Variants in TJP1 observed in about 807,000 individuals in gnomAD.
The protein encoded by TJP1 is tight junction protein ZO-1.
TJP1 carries 43 observed loss-of-function variants against 194.2 expected under a neutral mutation model. That is an observed-to-expected ratio of 0.22 (90% confidence interval 0.17 to 0.29). The LOEUF is 0.29. Ranked by LOEUF, TJP1 falls within the 10% of genes least tolerant of loss-of-function variation. The probability of loss-of-function intolerance (pLI) is 1.00; values close to 1 mark genes in which losing one functional copy is unlikely to be tolerated. For synonymous variants in TJP1, 801 were observed against 779.0 expected (o/e 1.03, Z -0.47); for missense variants, 1,971 against 2,185.7 (o/e 0.90, Z 1.96).
intron 2 of TJP1, among the ~76,000 whole-genome samples, chr15:29,927,405 T>C (rs188662181): frequency 1.3e-5 from 2 of 152,200 alleles, no homozygotes; most frequent in Admixed American, 6.5e-5. Context: ...ATGTGTCCAC[T>C]TAACTGGATG....
At chr15:29,753,585 G>A (rs1327668207) in intron 8 of TJP1, among the ~76,000 whole-genome samples, 1 of 150,786 alleles carries the variant, frequency 6.6e-6, no homozygotes, top group East Asian at 2.0e-4. Flanking sequence ...AAGGACGAAT[G>A]AGCAGGATAA....
intron 8 of TJP1, among the ~76,000 whole-genome samples, chr15:29,755,607 G>T (rs1382871878): frequency 6.6e-6 from 1 of 152,164 alleles, no homozygotes; most frequent in Non-Finnish European, 1.5e-5. Flanking sequence ...TTAAATAACT[G>T]TTACAAAGTT....
intron 2 of TJP1, among the ~76,000 whole-genome samples, chr15:29,789,204 T>C (rs775077066): frequency 6.6e-6 from 1 of 152,238 alleles, no homozygotes; most frequent in African/African-American, 2.4e-5. Flanking sequence ...TGGGCGGTGC[T>C]GTTGTAGACC....
intron 2 of TJP1, among the ~76,000 whole-genome samples, chr15:29,907,886 A>G (rs2053869902): frequency 6.6e-6 from 1 of 151,864 alleles, no homozygotes; most frequent in Non-Finnish European, 1.5e-5. Context: ...AAAGTTCCTC[A>G]GAATTTTCAA....
At chr15:29,754,903 A>G (rs2045547598) in intron 8 of TJP1, among the ~76,000 whole-genome samples, 1 of 152,216 alleles carries the variant, frequency 6.6e-6, no homozygotes, top group African/African-American at 2.4e-5. Context: ...CAGAAACTAT[A>G]TACAGTAAGA....
intron 23 of TJP1, among the ~76,000 whole-genome samples, chr15:29,712,970 T>C (rs895864367): frequency 1.3e-5 from 2 of 152,152 alleles, no homozygotes; most frequent in Non-Finnish European, 2.9e-5. Flanking sequence ...CACATGTTCC[T>C]TTCTAGCAAG....
In TJP1 at chr15:29,953,140, A is replaced by T. The variant is rs1040352468; in HGVS notation, c.306+3092T>A. ...TTCCTTCTTTCATAAAAGAAGACAGATTTTTTTTTTTTTTTTTTTGCAACG... is the reference window on the plus strand; with the variant it reads ...TTCCTTCTTTCATAAAAGAAGACAGTTTTTTTTTTTTTTTTTTTTGCAACG... On this transcript the variant is annotated intron_variant, in intron 2 of 28. Coordinates refer to the TJP1 transcript ENST00000356107. 3.0e-3 allele frequency among the ~76,000 whole-genome samples: 331 copies of T among 110,962 alleles called. 8 individuals are homozygous for T. Among genetic ancestry groups the T allele is most frequent in the Admixed American group, 0.025 (229 of 9,172 alleles). The allele number at this position is 110,962 out of a possible 152,430, so 72.8% of individuals were successfully genotyped here.
Position 29,718,799 on chromosome 15 carries a change from C to T in TJP1, c.3343G>A (p.Asp1115Asn), listed in dbSNP as rs1404030192. ...GACTCTTCGGGATGCTGTCTGGAGT[C>T]AAGGTCTTGAGAGTGCTGATTATCA... The part of the protein sequence containing the change: ...PFDNQHSQDL[D>N]SRQHPEESSE... The change falls in exon 21 of 28, where the codon GAC becomes AAC. Residue 1115 changes from aspartate (D) to asparagine (N), a missense_variant. Coordinates refer to ENST00000614355, the MANE Select transcript of TJP1 (RefSeq NM_001330239.4). 1 of 1,614,160 alleles carries T rather than the reference C, an allele frequency of 6.2e-7. No homozygotes were observed. The highest frequency in any genetic ancestry group is 2.2e-5 in the East Asian group (1 of 44,870).
At chr15:29,717,666 G>T (rs2042649015) in intron 22 of TJP1, among the ~76,000 whole-genome samples, 1 of 152,228 alleles carries the variant, frequency 6.6e-6, no homozygotes, top group Non-Finnish European at 1.5e-5. Context: ...TAACCAATCT[G>T]AGTCTGTTTC....
In TJP1 at chr15:29,964,145, A is replaced by G. The variant is rs149299831; in HGVS notation, c.173+4522T>C. 4.8e-3 allele frequency among the ~76,000 whole-genome samples: 736 copies of G among 152,316 alleles called. 4 individuals carry two copies. The highest frequency in any genetic ancestry group is 8.4e-3 in the Non-Finnish European group (570 of 68,038). The stretch of plus-strand genomic sequence containing the variant: ...TAGAAACAAAGTCTTTGCTGATGTA[A>G]TTAAAGATCTCCAGATGAGATCATC... On this transcript the variant is annotated intron_variant, in intron 1 of 28. Coordinates refer to the TJP1 transcript ENST00000356107.
At chr15:29,968,584 C>A in intron 1 of TJP1, 1 of 890,432 alleles carries the variant, frequency 1.1e-6, no homozygotes, top group Non-Finnish European at 1.3e-6. Context: ...ACCGCCCCGG[C>A]CGCCGCTCGC....
At chr15:29,806,991 G>C (rs370409571) in intron 1 of TJP1, among the ~76,000 whole-genome samples, 1 of 152,000 alleles carries the variant, frequency 6.6e-6, no homozygotes, top group Non-Finnish European at 1.5e-5. Flanking sequence ...GGAAACATAA[G>C]AATTAAAATA....
At chr15:29,877,319 A>C (rs1182443294) in intron 2 of TJP1, among the ~76,000 whole-genome samples, 5 of 151,532 alleles carry the variant, frequency 3.3e-5, no homozygotes, top group African/African-American at 1.2e-4. Context: ...CGAGCTTGAG[A>C]GATCCTCCTG....
At chr15:29,814,096 C>T (rs1196398183) in intron 1 of TJP1, among the ~76,000 whole-genome samples, 2 of 152,198 alleles carry the variant, frequency 1.3e-5, no homozygotes, top group Non-Finnish European at 2.9e-5. Context: ...AAAACACTTA[C>T]ATCAATGTAT....
At chr15:29,878,916 A>G (rs2052816627) in intron 2 of TJP1, among the ~76,000 whole-genome samples, 1 of 151,946 alleles carries the variant, frequency 6.6e-6, no homozygotes, top group Non-Finnish European at 1.5e-5. Context: ...CGAGGTCAAG[A>G]GATCGAGACT....
rs566481471 is a variant in TJP1 at position 29,744,466 on chromosome 15, T to C, written c.1011-1685A>G. 3.9e-5 allele frequency among the ~76,000 whole-genome samples: 6 copies of C among 152,298 alleles called. 1 individual carries two copies. The East Asian group carries it at 1.2e-3, about 29-fold the overall frequency. ...GAAACAAAATAAAACTAAATGTTCA[T>C]TAATAATTTCCCCAGATAAACAGAA... On this transcript the variant is annotated intron_variant, in intron 8 of 27. Transcript: ENST00000614355.
intron 2 of TJP1, among the ~76,000 whole-genome samples, chr15:29,852,949 C>T (rs576448305): frequency 2.6e-5 from 4 of 151,384 alleles, no homozygotes; most frequent in Non-Finnish European, 5.9e-5. Context: ...AAAACCTGTA[C>T]ACAAATATTC....
chr15:29,870,927 C>T (rs1222647595), intron 2 of TJP1, among the ~76,000 whole-genome samples: 1 of 152,180 alleles, frequency 6.6e-6, no homozygotes, highest in Admixed American at 6.5e-5. Flanking sequence ...AAACCGAGGC[C>T]GAGCATGTGT....
intron 2 of TJP1, among the ~76,000 whole-genome samples, chr15:29,908,737 G>C (rs987778206): frequency 6.6e-6 from 1 of 152,088 alleles, no homozygotes; most frequent in South Asian, 2.1e-4. Flanking sequence ...AAAGAGGCTC[G>C]GCCGGGCACA....
Sources: gnomAD v4.1 joint callset for allele counts (sites outside exome capture counted in the v4.1 genomes callset) on GRCh38, gnomAD v4.1.1 for gene constraint, MANE v1.5 for transcripts, NCBI Gene and HGNC (gene_info 2026-07-23, HGNC 2026-07-21) for gene names.